The following RAB2A variants were observed in gnomAD, a reference collection of about 807,000 sequenced individuals.
The protein encoded by RAB2A is RAB2A, member RAS oncogene family.
Under a neutral mutation model 32.5 loss-of-function variants are expected in RAB2A, and 7 were observed. That is an observed-to-expected ratio of 0.22 (90% CI 0.12 to 0.40). The LOEUF (loss-of-function observed/expected upper bound fraction) is 0.40, where lower values mean the gene tolerates loss of function less well. Ranked by LOEUF, RAB2A falls within the 10% of genes least tolerant of loss-of-function variation. RAB2A has a pLI of 1.00. For missense variants in RAB2A, 108 were observed against 260.7 expected (o/e 0.41, Z 4.03); for synonymous variants, 79 against 85.2 (o/e 0.93, Z 0.40).
intron 1 of RAB2A, among the ~76,000 whole-genome samples, chr8:60,544,572 T>TTTA (rs769548799): frequency 1.5e-5 from 2 of 133,908 alleles, no homozygotes; most frequent in African/African-American, 5.8e-5. Flanking sequence ...TTTTTTTTTT[T>TTTA]AAAATAGAGA....
chr8:60,591,672 T>A (rs1360179709), intron 5 of RAB2A, 186 bp from the exon 6 acceptor site: 2 of 415,092 alleles, frequency 4.8e-6, no homozygotes, highest in Non-Finnish European at 8.9e-6. Flanking sequence ...GATTGTTAGT[T>A]CTTTGAAACT....
At chr8:60,518,546 C>T (rs923789321) in intron 1 of RAB2A, among the ~76,000 whole-genome samples, 12 of 125,544 alleles carry the variant, frequency 9.6e-5, no homozygotes, top group Non-Finnish European at 1.9e-4. Flanking sequence ...ATCCCAGCCA[C>T]TTGGGAGGCT....
chr8:60,544,775 T>G (rs911470568), intron 1 of RAB2A, among the ~76,000 whole-genome samples: 1 of 152,204 alleles, frequency 6.6e-6, no homozygotes, highest in Admixed American at 6.5e-5. Flanking sequence ...GTTATGAAAT[T>G]ATCCAGATGG....
At chr8:60,541,478 C>G (rs1429629626) in intron 1 of RAB2A, among the ~76,000 whole-genome samples, 1 of 152,156 alleles carries the variant, frequency 6.6e-6, no homozygotes, top group Non-Finnish European at 1.5e-5. Flanking sequence ...CACCTGAAGT[C>G]AGGAGTTCCA....
At chr8:60,547,604 G>C (rs1448729596) in intron 1 of RAB2A, among the ~76,000 whole-genome samples, 1 of 126,490 alleles carries the variant, frequency 7.9e-6, no homozygotes, top group East Asian at 2.7e-4. Context: ...GGGGCGGCCG[G>C]GCAGAGGCGC....
intron 1 of RAB2A, among the ~76,000 whole-genome samples, chr8:60,549,478 C>CG (rs1219665662): frequency 1.1e-4 from 15 of 138,448 alleles, no homozygotes; most frequent in Non-Finnish European, 2.4e-4. Flanking sequence ...TCTCCACCAA[C>CG]CTTTTTTTTT....
chr8:60,620,082 TG>T (rs1172820363), intron 7 of RAB2A, among the ~76,000 whole-genome samples: 2 of 152,284 alleles, frequency 1.3e-5, no homozygotes, highest in African/African-American at 2.4e-5. Flanking sequence ...CTGAAGCTAC[TG>T]TATTACTTTT....
chr8:60,547,279 G>A (rs907539634), intron 1 of RAB2A, among the ~76,000 whole-genome samples: 1 of 152,182 alleles, frequency 6.6e-6, no homozygotes, highest in Non-Finnish European at 1.5e-5. Flanking sequence ...AAAAGGAAAA[G>A]TCTCCCCTGT....
chr8:60,569,940 C>G, intron 2 of RAB2A: 1 of 455,990 alleles, frequency 2.2e-6, no homozygotes, highest in South Asian at 1.5e-5. Context: ...GAAACTTGGT[C>G]TTGGAATTGG....
chr8:60,590,348 C>A (rs537232186), intron 5 of RAB2A, among the ~76,000 whole-genome samples: 1 of 151,170 alleles, frequency 6.6e-6, no homozygotes, highest in Non-Finnish European at 1.5e-5. Context: ...TTTGAAAAAT[C>A]CTACCCAGGC....
chr8:60,563,261 T>G (rs1171554767), intron 2 of RAB2A, among the ~76,000 whole-genome samples: 1 of 152,192 alleles, frequency 6.6e-6, no homozygotes, highest in Non-Finnish European at 1.5e-5. Context: ...TTGACTATCT[T>G]TGAGTCATAG....
chr8:60,580,915 G>C (rs905769511), intron 3 of RAB2A, among the ~76,000 whole-genome samples: 1 of 152,120 alleles, frequency 6.6e-6, no homozygotes, highest in Admixed American at 6.6e-5. Context: ...TGGAGAGATT[G>C]GTTTAAAGGA....
At chr8:60,592,130 T>C (rs932312756) in intron 6 of RAB2A, 161 bp downstream of exon 6, 6 of 445,918 alleles carry the variant, frequency 1.3e-5, no homozygotes, top group African/African-American at 1.2e-4. Context: ...ATTCACCTTC[T>C]GTCAGACTCT....
At chr8:60,518,041 C>T (rs79408173) in intron 1 of RAB2A, among the ~76,000 whole-genome samples, 5 of 110,250 alleles carry the variant, frequency 4.5e-5, no homozygotes, top group African/African-American at 1.3e-4. Context: ...ATGTCAAGTC[C>T]GGTGTCACAA....
chr8:60,563,849 T>C (rs1182117058), intron 2 of RAB2A, among the ~76,000 whole-genome samples: 1 of 152,176 alleles, frequency 6.6e-6, no homozygotes, highest in Non-Finnish European at 1.5e-5. Context: ...AGATTCAACT[T>C]TAATAGCTGT....
chr8:60,591,193 C>G (rs1215088298), intron 5 of RAB2A, among the ~76,000 whole-genome samples: 2 of 151,948 alleles, frequency 1.3e-5, no homozygotes, highest in East Asian at 1.9e-4. Flanking sequence ...TCCCCTCCCC[C>G]CCACTAATAA....
chr8:60,548,750 C>T (rs1350669085), intron 1 of RAB2A, among the ~76,000 whole-genome samples: 4 of 133,474 alleles, frequency 3.0e-5, no homozygotes, highest in South Asian at 2.5e-4. Flanking sequence ...CCGGATGGGG[C>T]GGCTGGCCGG....
intron 1 of RAB2A, 86 bp from the exon 2 acceptor site, chr8:60,558,766 C>G: frequency 8.9e-7 from 1 of 1,122,932 alleles, no homozygotes; most frequent in South Asian, 1.3e-5. Flanking sequence ...ACCAGAAACC[C>G]TGGCTGCCTC....
At chr8:60,550,258 C>T (rs1418830317) in intron 1 of RAB2A, among the ~76,000 whole-genome samples, 1 of 148,340 alleles carries the variant, frequency 6.7e-6, no homozygotes, top group Non-Finnish European at 1.5e-5. Context: ...AAAAAATTCA[C>T]ACTGTCAACA....
Sources: allele counts gnomAD v4.1 joint callset (sites outside exome capture counted in the v4.1 genomes callset), GRCh38; gene constraint gnomAD v4.1.1; transcripts MANE v1.5; gene names NCBI Gene and HGNC (gene_info 2026-07-23, HGNC 2026-07-21).